Variants in SEMA5A observed in about 807,000 individuals in gnomAD.
SEMA5A encodes semaphorin-5A.
Under a neutral mutation model 135.5 loss-of-function variants are expected in SEMA5A, and 55 were observed. The ratio of observed to expected loss-of-function variants is 0.41; its 90% confidence interval spans 0.33 to 0.51. The LOEUF is 0.51. Among genes scored for constraint, SEMA5A ranks in the 20% least tolerant of loss-of-function variants. SEMA5A has a pLI of 0.37. For synonymous variants in SEMA5A, 580 were observed against 546.5 expected (o/e 1.06, Z -0.85); for missense variants, 1,290 against 1,419.9 (o/e 0.91, Z 1.47).
chr5:9,111,572 C>A (rs1740241340), intron 15 of SEMA5A, among the ~76,000 whole-genome samples: 1 of 152,158 alleles, frequency 6.6e-6, no homozygotes, highest in Admixed American at 6.5e-5. Flanking sequence ...TTGTCAATAA[C>A]CTGCCTTGTT....
At chr5:9,325,136 A>G (rs936385456) in intron 4 of SEMA5A, among the ~76,000 whole-genome samples, 1 of 152,220 alleles carries the variant, frequency 6.6e-6, no homozygotes, top group Non-Finnish European at 1.5e-5. Flanking sequence ...TTCTCCTGTC[A>G]TTACCAAAAT....
chr5:9,456,429 C>T (rs554996562), intron 1 of SEMA5A, among the ~76,000 whole-genome samples: 1 of 152,180 alleles, frequency 6.6e-6, no homozygotes, highest in Non-Finnish European at 1.5e-5. Context: ...AAATTAAAAA[C>T]TCTAACCTTC....
At chr5:9,476,999 C>T (rs539861724) in intron 1 of SEMA5A, among the ~76,000 whole-genome samples, 1 of 152,162 alleles carries the variant, frequency 6.6e-6, no homozygotes, top group African/African-American at 2.4e-5. Context: ...AGTTTAATCC[C>T]CATATATCAA....
intron 2 of SEMA5A, among the ~76,000 whole-genome samples, chr5:9,424,109 T>G (rs761162735): frequency 1.2e-4 from 18 of 151,696 alleles, no homozygotes; most frequent in Non-Finnish European, 2.5e-4. Flanking sequence ...GCCCAGCACC[T>G]CCCAAGACTC....
intron 5 of SEMA5A, among the ~76,000 whole-genome samples, chr5:9,257,366 C>T (rs1010517154): frequency 6.6e-6 from 1 of 152,122 alleles, no homozygotes; most frequent in African/African-American, 2.4e-5. Flanking sequence ...GGTACATGTG[C>T]CATTACGTTG....
At chr5:9,484,885 T>C (rs1051767191) in intron 1 of SEMA5A, among the ~76,000 whole-genome samples, 1 of 152,010 alleles carries the variant, frequency 6.6e-6, no homozygotes, top group South Asian at 2.1e-4. Context: ...TGCCCCAGAG[T>C]CAGCGTAGTA....
At chr5:9,383,326 A>C (rs958999065) in intron 2 of SEMA5A, among the ~76,000 whole-genome samples, 1 of 152,240 alleles carries the variant, frequency 6.6e-6, no homozygotes. Flanking sequence ...GAGGTGCTTT[A>C]GATGTGATTT....
intron 10 of SEMA5A, among the ~76,000 whole-genome samples, chr5:9,190,796 G>A (rs746189097): frequency 1.3e-5 from 2 of 152,208 alleles, no homozygotes; most frequent in Non-Finnish European, 2.9e-5. Context: ...CGAGTTACTT[G>A]AAAGCTGTCT....
chr5:9,094,087 GT>G (rs1739190096), intron 16 of SEMA5A, among the ~76,000 whole-genome samples: 1 of 152,064 alleles, frequency 6.6e-6, no homozygotes, highest in African/African-American at 2.4e-5. Context: ...TTTGAATTAT[GT>G]TTTTTTCTCC....
intron 1 of SEMA5A, among the ~76,000 whole-genome samples, chr5:9,467,502 G>A (rs908668038): frequency 2.0e-4 from 30 of 152,148 alleles, no homozygotes; most frequent in African/African-American, 7.2e-4. Context: ...GAACTTCAGG[G>A]TATTTACTGG....
At position 9,224,840 on chromosome 5, in the gene SEMA5A, G is replaced by A; in HGVS notation, c.480C>T (p.Arg160=). ...EIHDQISGMA[R]CPYSPQHNST... is the part of the protein sequence containing the mutation. Reference sequence around the variant, plus strand: ...AATTGTGCTGGGGACTGTAGGGACAGCGGGCCATGCCACTGATCTGATCAT... The same window carrying A: ...AATTGTGCTGGGGACTGTAGGGACAACGGGCCATGCCACTGATCTGATCAT... Residue 160 remains arginine (R), a synonymous_variant, in exon 8 of 23, where the codon CGC becomes CGT. Transcript: ENST00000382496. 6.2e-7 allele frequency: 1 copy of A among 1,613,956 alleles called. No homozygotes were observed. The highest frequency in any genetic ancestry group is 1.3e-5 in the African/African-American group (1 of 75,046).
chr5:9,197,095 T>C (rs1745429474), intron 10 of SEMA5A, 73 bp downstream of exon 10: 1 of 1,591,460 alleles, frequency 6.3e-7, no homozygotes, highest in Non-Finnish European at 8.6e-7. Context: ...AAATTACCCT[T>C]GCCTGTCTAC....
chr5:9,330,339 G>C (rs1334935290), intron 4 of SEMA5A, among the ~76,000 whole-genome samples: 1 of 150,586 alleles, frequency 6.6e-6, no homozygotes, highest in East Asian at 1.9e-4. Flanking sequence ...GCAGTGAGCT[G>C]AGATCACACC....
chr5:9,187,435 C>T (rs552645780), intron 11 of SEMA5A, among the ~76,000 whole-genome samples: 1 of 152,258 alleles, frequency 6.6e-6, no homozygotes, highest in Non-Finnish European at 1.5e-5. Flanking sequence ...AGTAGAACTG[C>T]TTTTGTACCT....
chr5:9,041,694 A>G lies in SEMA5A; in HGVS notation c.*1203T>C, dbSNP rs188955213. On this transcript the variant is annotated 3_prime_UTR_variant, in exon 23 of 23. Coordinates refer to ENST00000382496, the MANE Select transcript of SEMA5A (RefSeq NM_003966.3). ...GGAAGGCAGCACTGAAATAAAAGAAAAGGCACCAGAGCTGAGCATCTCCTG... is the reference window on the plus strand; with the variant it reads ...GGAAGGCAGCACTGAAATAAAAGAAGAGGCACCAGAGCTGAGCATCTCCTG... 1.6e-4 allele frequency: 25 copies of G among 152,656 alleles called. No homozygotes were observed. Among genetic ancestry groups the G allele is most frequent in the African/African-American group, 6.0e-4 (25 of 41,530 alleles). 9.5% of individuals were successfully genotyped at this position (152,656 alleles called of 1,614,324 possible).
intron 5 of SEMA5A, among the ~76,000 whole-genome samples, chr5:9,279,694 T>C (rs1750445480): frequency 6.6e-6 from 1 of 152,096 alleles, no homozygotes; most frequent in South Asian, 2.1e-4. Flanking sequence ...GAGTGAGTTC[T>C]CATGAGATCT....
chr5:9,188,361 C>T (rs376935323), intron 11 of SEMA5A, among the ~76,000 whole-genome samples: 63 of 152,310 alleles, frequency 4.1e-4, no homozygotes, highest in African/African-American at 1.4e-3. Context: ...GACTAAGACA[C>T]TCATCAAAGT....
chr5:9,171,255 A>T (rs1166278072), intron 11 of SEMA5A, among the ~76,000 whole-genome samples: 1 of 152,176 alleles, frequency 6.6e-6, no homozygotes, highest in Non-Finnish European at 1.5e-5. Flanking sequence ...CACCCTGAAT[A>T]TCAACAGGAT....
chr5:9,499,223 C>CA (rs2126816151), intron 1 of SEMA5A, among the ~76,000 whole-genome samples: 1 of 152,266 alleles, frequency 6.6e-6, no homozygotes, highest in South Asian at 2.1e-4. Flanking sequence ...CTTCACAAAC[C>CA]TTTATGGAGC....
Sources: gnomAD v4.1 joint callset for allele counts (sites outside exome capture counted in the v4.1 genomes callset) on GRCh38, gnomAD v4.1.1 for gene constraint, MANE v1.5 for transcripts, NCBI Gene and HGNC (gene_info 2026-07-23, HGNC 2026-07-21) for gene names.